HAO2: variants seen among roughly 807,000 people sequenced by gnomAD.
HAO2 encodes 2-Hydroxyacid oxidase 2.
A neutral mutation model predicts 37.4 loss-of-function variants in HAO2; 42 were observed. The observed-to-expected ratio is 1.12, with a 90% CI of 0.88 to 1.45. The LOEUF (loss-of-function observed/expected upper bound fraction) is 1.45, where lower values mean the gene tolerates loss of function less well. HAO2 is among the 40% of genes most tolerant of loss of function. The pLI is 0.00. For synonymous variants in HAO2, 180 were observed against 162.8 expected (o/e 1.11, Z -0.81); for missense variants, 476 against 430.2 (o/e 1.11, Z -0.94).
chr1:119,385,678 C>G (rs1404725224), intron 4 of HAO2: 1 of 985,198 alleles, frequency 1.0e-6, no homozygotes, highest in Non-Finnish European at 1.2e-6. Flanking sequence ...CAAGAAGTGC[C>G]TCAGAGAGAG....
Position 119,383,020 on chromosome 1 carries a change from G to A in HAO2, c.237G>A (p.Gly79=). The A allele has an allele frequency of 1.2e-6, 2 of 1,613,268 alleles. No homozygotes were observed. Among genetic ancestry groups the A allele is most frequent in the Non-Finnish European group, 1.7e-6 (2 of 1,179,552 alleles). Residue 79 remains glycine (G), a synonymous_variant, in exon 3 of 8, where the codon GGG becomes GGA. Coordinates refer to ENST00000325945, the MANE Select transcript of HAO2 (RefSeq NM_016527.4). ...ISAPICIAPT[G]FHCLVWPDGE... ...CCCCTATTTGTATCGCACCCACAGG[G>A]TTCCACTGCCTTGTCTGGCCTGATG...
At chr1:119,370,547 C>T (rs1648900125) in intron 1 of HAO2, among the ~76,000 whole-genome samples, 1 of 152,168 alleles carries the variant, frequency 6.6e-6, no homozygotes, top group South Asian at 2.1e-4. Context: ...CTCATGGCAG[C>T]CCTATGGGAT....
chr1:119,386,750 A>C lies in HAO2; in HGVS notation c.690A>C (p.Ala230=), dbSNP rs1186506330. The C allele has an allele frequency of 2.5e-6, 4 of 1,613,720 alleles. No individual in the cohort carries two copies. Among genetic ancestry groups the C allele is most frequent in the Non-Finnish European group, 2.5e-6 (3 of 1,179,616 alleles). Residue 230 remains alanine, a synonymous_variant, in exon 5 of 8, where the codon GCA becomes GCC. Transcript: ENST00000325945. ...ILKGILTKED[A]ELAVKHNVQG... ...AAGGGATTTTGACAAAAGAGGATGC[A>C]GAGTTAGCTGTGAAGCACAATGTCC...
At chr1:119,384,516 T>C (rs967978684) in intron 3 of HAO2, among the ~76,000 whole-genome samples, 1 of 152,232 alleles carries the variant, frequency 6.6e-6, no homozygotes, top group Non-Finnish European at 1.5e-5. Flanking sequence ...GGAGATTGCA[T>C]GGCATCTTTA....
At chr1:119,380,368 C>T (rs910347328) in intron 1 of HAO2, 1 of 302,416 alleles carries the variant, frequency 3.3e-6, no homozygotes, top group Admixed American at 4.9e-5. Flanking sequence ...CTCAGGTACC[C>T]AAATTAGCAA....
At chr1:119,377,475 C>A (rs1253473117) in intron 1 of HAO2, among the ~76,000 whole-genome samples, 1 of 152,202 alleles carries the variant, frequency 6.6e-6, no homozygotes, top group South Asian at 2.1e-4. Flanking sequence ...TTCTTCTAAG[C>A]CCTCCAAACT....
intron 7 of HAO2, 85 bp downstream of exon 7, chr1:119,392,772 C>T (rs896365797): frequency 4.6e-6 from 4 of 860,470 alleles, no homozygotes; most frequent in Non-Finnish European, 8.1e-6. Context: ...CTAGCAGACC[C>T]TTTCCTGATG....
chr1:119,383,393 C>T (rs1481247260), intron 3 of HAO2, among the ~76,000 whole-genome samples: 1 of 152,102 alleles, frequency 6.6e-6, no homozygotes, highest in Non-Finnish European at 1.5e-5. Context: ...CTTAACGCAG[C>T]CCCAAGGCTA....
chr1:119,369,668 G>C (rs938607835), intron 1 of HAO2, among the ~76,000 whole-genome samples: 1 of 152,172 alleles, frequency 6.6e-6, no homozygotes, highest in Non-Finnish European at 1.5e-5. Flanking sequence ...AGATAGATGA[G>C]AATTGGAGCT....
At chr1:119,388,814 G>T (rs1650594039) in intron 5 of HAO2, among the ~76,000 whole-genome samples, 2 of 151,774 alleles carry the variant, frequency 1.3e-5, no homozygotes, top group South Asian at 4.2e-4. Context: ...AGGAACAGGT[G>T]GTGTCTGCTA....
chr1:119,386,536 C>A, intron 4 of HAO2, 86 bp from the exon 5 acceptor site: 4 of 825,296 alleles, frequency 4.8e-6, no homozygotes, highest in Non-Finnish European at 6.2e-6. Flanking sequence ...TTATAAATGG[C>A]AGCTCTCTAA....
intron 1 of HAO2, among the ~76,000 whole-genome samples, chr1:119,379,172 T>C (rs1445550183): frequency 5.9e-5 from 9 of 152,134 alleles, no homozygotes; most frequent in African/African-American, 2.2e-4. Flanking sequence ...TGTAAAATGT[T>C]ACCTACCTGA....
intron 1 of HAO2, among the ~76,000 whole-genome samples, chr1:119,370,724 A>G (rs1000273054): frequency 6.6e-6 from 1 of 152,138 alleles, no homozygotes; most frequent in Non-Finnish European, 1.5e-5. Context: ...GGCACAGTTG[A>G]TCGGTGGAAA....
intron 7 of HAO2, 54 bp from the exon 8 acceptor site, chr1:119,393,731 G>A (rs1040294702): frequency 2.7e-6 from 4 of 1,460,168 alleles, no homozygotes; most frequent in African/African-American, 2.8e-5. Context: ...CCCATGATGA[G>A]GTGAGTTGCT....
chr1:119,392,794 C>G, intron 7 of HAO2, 107 bp downstream of exon 7: 1 of 790,532 alleles, frequency 1.3e-6, no homozygotes, highest in Non-Finnish European at 2.3e-6. Context: ...GGTAGCTGTC[C>G]AAAAGATAGG....
rs72989691 is a variant in HAO2 at position 119,380,809 on chromosome 1, T to C, written c.-8-269T>C. The C allele has an allele frequency of 0.01, 8,659 of 858,286 alleles. 453 individuals carry two copies. The African/African-American group carries it at 0.12, about 12-fold the overall frequency. The allele number at this position is 858,286 out of a possible 1,614,324, so 53.2% of individuals were successfully genotyped here. On this transcript the variant is annotated intron_variant, in intron 1 of 7. Transcript: ENST00000325945. ...TAGGTCTAAGGTGGTGTGTGTACAG[T>C]GGAGGAGAAGATATAAGAAATACTC...
At chr1:119,385,512 G>T in intron 4 of HAO2, 2 of 838,610 alleles carry the variant, frequency 2.4e-6, no homozygotes, top group Non-Finnish European at 2.9e-6. Flanking sequence ...GACAGGCCAG[G>T]TTCTACCTTA....
At chr1:119,385,131 C>T in intron 4 of HAO2, 78 bp downstream of exon 4, 1 of 1,534,932 alleles carries the variant, frequency 6.5e-7, no homozygotes, top group Non-Finnish European at 8.7e-7. Context: ...TTCCTCCATT[C>T]TTTCTTTCCA....
chr1:119,378,532 CTGTAGATAG>C (rs1036969271), intron 1 of HAO2, among the ~76,000 whole-genome samples: 10 of 152,090 alleles, frequency 6.6e-5, no homozygotes, highest in African/African-American at 2.4e-4. Flanking sequence ...TGAGAAAAAG[CTGTAGATAG>C]AAAAGAGTCT....
Sources: allele counts gnomAD v4.1 joint callset (sites outside exome capture counted in the v4.1 genomes callset), GRCh38; gene constraint gnomAD v4.1.1; transcripts MANE v1.5; gene names NCBI Gene and HGNC (gene_info 2026-07-23, HGNC 2026-07-21).